The following ADARB2 variants were observed in gnomAD, a reference collection of about 807,000 sequenced individuals.
ADARB2 encodes the protein inactive double-stranded RNA-specific editase B2.
Under a neutral mutation model 62.2 loss-of-function variants are expected in ADARB2, and 25 were observed. That is an observed-to-expected ratio of 0.40 (90% CI 0.29 to 0.56). The LOEUF is 0.56. Ranked by LOEUF, ADARB2 falls within the 20% of genes least tolerant of loss-of-function variation. The probability of loss-of-function intolerance (pLI) is 0.43; values close to 1 mark genes in which losing one functional copy is unlikely to be tolerated. For missense variants in ADARB2, 1,071 were observed against 1,077.4 expected (o/e 0.99, Z 0.08); for synonymous variants, 572 against 500.8 (o/e 1.14, Z -1.90).
At chr10:1,281,102 C>T (rs1425756568) in intron 3 of ADARB2, among the ~76,000 whole-genome samples, 1 of 152,228 alleles carries the variant, frequency 6.6e-6, no homozygotes, top group Non-Finnish European at 1.5e-5. Flanking sequence ...AATCTTACAA[C>T]TTATAAATAG....
intron 1 of ADARB2, among the ~76,000 whole-genome samples, chr10:1,727,844 C>A (rs1835186675): frequency 6.6e-6 from 1 of 152,128 alleles, no homozygotes; most frequent in African/African-American, 2.4e-5. Flanking sequence ...TCACTCTTTG[C>A]CTGTCTCACG....
At chr10:1,315,326 G>A (rs752077874) in intron 3 of ADARB2, among the ~76,000 whole-genome samples, 1 of 152,334 alleles carries the variant, frequency 6.6e-6, no homozygotes, top group South Asian at 2.1e-4. Context: ...GGCTTCCAAG[G>A]TTTCCGCCTT....
chr10:1,194,175 C>T (rs967929401), intron 8 of ADARB2, among the ~76,000 whole-genome samples: 8 of 152,154 alleles, frequency 5.3e-5, no homozygotes, highest in Admixed American at 5.2e-4. Context: ...ACCAGCAGTC[C>T]CAGGTATTGC....
chr10:1,310,704 G>A (rs1408513207), intron 3 of ADARB2, among the ~76,000 whole-genome samples: 1 of 152,160 alleles, frequency 6.6e-6, no homozygotes, highest in Non-Finnish European at 1.5e-5. Context: ...TGGTTGGGAC[G>A]GGGATAAGTG....
intron 1 of ADARB2, among the ~76,000 whole-genome samples, chr10:1,550,522 G>A (rs1373273504): frequency 6.6e-6 from 1 of 152,236 alleles, no homozygotes; most frequent in African/African-American, 2.4e-5. Context: ...TCTAGTTGAT[G>A]AAAGCCGATG....
intron 1 of ADARB2, among the ~76,000 whole-genome samples, chr10:1,384,825 A>G (rs111982762): frequency 1.7e-4 from 26 of 152,156 alleles, no homozygotes; most frequent in African/African-American, 5.6e-4. Context: ...GATTTGGTTG[A>G]GACTCAGCCC....
intron 1 of ADARB2, among the ~76,000 whole-genome samples, chr10:1,660,575 C>T (rs1019559754): frequency 2.6e-5 from 4 of 152,156 alleles, no homozygotes; most frequent in African/African-American, 7.2e-5. Context: ...AACCAGAACA[C>T]GTAAGGCCCA....
At chr10:1,530,562 G>A (rs1466017384) in intron 1 of ADARB2, among the ~76,000 whole-genome samples, 2 of 152,218 alleles carry the variant, frequency 1.3e-5, no homozygotes, top group Non-Finnish European at 2.9e-5. Flanking sequence ...TTCATGCGGA[G>A]CCTGAGTGGG....
intron 1 of ADARB2, among the ~76,000 whole-genome samples, chr10:1,590,504 C>A (rs187227137): frequency 6.6e-6 from 1 of 152,156 alleles, no homozygotes; most frequent in South Asian, 2.1e-4. Context: ...CCCCTCCTGC[C>A]CAGAGGCATT....
At position 1,217,045 on chromosome 10, in the gene ADARB2, C is replaced by A; in HGVS notation, c.1588G>T (p.Val530Phe). The A allele has an allele frequency of 6.2e-7, 1 of 1,611,168 alleles. No homozygotes were observed. The highest frequency in any genetic ancestry group is 8.5e-7 in the Non-Finnish European group (1 of 1,179,062). ...RTKIESGEGT[V>F]PVRGPSAVQT... ...ACTGCGCTGGGGCCACGCACGGGGA[C>A]CGTCCCTTCCCCGGACTCGATCTTG... is the stretch of plus-strand genomic sequence containing the variant. Residue 530 changes from valine to phenylalanine, a missense_variant, in exon 7 of 10, where the codon GTC becomes TTC. Val to Phe is a conservative substitution (Grantham distance 50, BLOSUM62 -1). Coordinates refer to ENST00000381312, the MANE Select transcript of ADARB2 (RefSeq NM_018702.4).
At chr10:1,441,286 T>C (rs1021664698) in intron 1 of ADARB2, among the ~76,000 whole-genome samples, 5 of 152,252 alleles carry the variant, frequency 3.3e-5, no homozygotes, top group Non-Finnish European at 7.3e-5. Flanking sequence ...AATTGTTTTT[T>C]GGAAAAGCAA....
intron 7 of ADARB2, among the ~76,000 whole-genome samples, chr10:1,207,547 G>A (rs1326607770): frequency 6.6e-6 from 1 of 152,126 alleles, no homozygotes; most frequent in East Asian, 1.9e-4. Context: ...GGTGGGCTGC[G>A]TGGCCAAGAG....
intron 1 of ADARB2, chr10:1,676,065 G>C: frequency 2.0e-6 from 2 of 985,428 alleles, no homozygotes; most frequent in Non-Finnish European, 2.4e-6. Flanking sequence ...CTGTGCACAG[G>C]TGCTTCTGAG....
Position 1,181,644 on chromosome 10 carries a change from C to G in ADARB2, c.*1549G>C, listed in dbSNP as rs1836676580. 2 of 152,246 alleles carry G rather than the reference C, an allele frequency of 1.3e-5. No homozygotes were observed. The highest frequency in any genetic ancestry group is 2.9e-5 in the Non-Finnish European group (2 of 68,054). 9.4% of individuals were successfully genotyped at this position (152,246 alleles called of 1,614,324 possible). A position where few individuals can be genotyped will look rare whatever the true frequency, so the allele number is the denominator to read the frequency against. On this transcript the variant is annotated 3_prime_UTR_variant, in exon 10 of 10. Coordinates refer to ENST00000381312, the MANE Select transcript of ADARB2 (RefSeq NM_018702.4). ...GATAACTGTAATTTATAGCACTTGA[C>G]TATGTACAGCACAATGTTATTCTTG...
At chr10:1,670,658 T>C (rs1198585665) in intron 1 of ADARB2, among the ~76,000 whole-genome samples, 1 of 152,222 alleles carries the variant, frequency 6.6e-6, no homozygotes, top group Non-Finnish European at 1.5e-5. Context: ...GCAGCGCCAC[T>C]GAAGCTCAAC....
chr10:1,273,402 A>G (rs946759759), intron 3 of ADARB2, among the ~76,000 whole-genome samples: 42 of 152,178 alleles, frequency 2.8e-4, no homozygotes, highest in South Asian at 2.1e-4. Context: ...CTAGGATTAC[A>G]GGCTCCAGCC....
intron 1 of ADARB2, among the ~76,000 whole-genome samples, chr10:1,571,299 A>ATTTT (rs1239343043): frequency 4.0e-5 from 6 of 151,118 alleles, no homozygotes; most frequent in African/African-American, 1.2e-4. Context: ...TTTTTTTTTA[A>ATTTT]AAAAAGCCTG....
At chr10:1,577,338 A>T (rs1418871832) in intron 1 of ADARB2, among the ~76,000 whole-genome samples, 1 of 150,652 alleles carries the variant, frequency 6.6e-6, no homozygotes, top group Non-Finnish European at 1.5e-5. Flanking sequence ...CAGAAGCTGC[A>T]GTGATACCCT....
At chr10:1,557,541 C>T (rs1051023095) in intron 1 of ADARB2, among the ~76,000 whole-genome samples, 1 of 152,172 alleles carries the variant, frequency 6.6e-6, no homozygotes, top group Middle Eastern at 3.2e-3. Flanking sequence ...TTTCCAGGCT[C>T]AACAAAGCCT....
Sources: gnomAD v4.1 joint callset for allele counts (sites outside exome capture counted in the v4.1 genomes callset) on GRCh38, gnomAD v4.1.1 for gene constraint, MANE v1.5 for transcripts, NCBI Gene and HGNC (gene_info 2026-07-23, HGNC 2026-07-21) for gene names.